The following C6orf52 variants were observed in gnomAD, a reference collection of about 807,000 sequenced individuals.
The protein encoded by C6orf52 is chromosome 6 open reading frame 52.
In C6orf52, 16 loss-of-function variants were observed where a neutral mutation model predicts 16.6. That is an observed-to-expected ratio of 0.96 (90% CI 0.65 to 1.46). C6orf52 has a LOEUF of 1.46. C6orf52 is among the 40% of genes most tolerant of loss of function. The pLI is 0.00. For missense variants in C6orf52, 166 were observed against 182.3 expected (o/e 0.91, Z 0.52); for synonymous variants, 53 against 61.4 (o/e 0.86, Z 0.64).
At chr6:10,688,212 A>ATTTT (rs1561880370) in intron 1 of C6orf52, among the ~76,000 whole-genome samples, 7 of 151,498 alleles carry the variant, frequency 4.6e-5, no homozygotes, top group South Asian at 2.1e-4. Context: ...TTTTTTTTTA[A>ATTTT]AAAAAGCATA....
intron 1 of C6orf52, among the ~76,000 whole-genome samples, chr6:10,690,573 G>A: frequency 6.6e-6 from 1 of 152,028 alleles, no homozygotes; most frequent in East Asian, 1.9e-4. Context: ...TGTACCCCAG[G>A]ATATCCACTT....
At chr6:10,684,025 T>G (rs1032338915) in intron 3 of C6orf52, among the ~76,000 whole-genome samples, 2 of 152,248 alleles carry the variant, frequency 1.3e-5, no homozygotes, top group African/African-American at 4.8e-5. Flanking sequence ...AGATCTACTA[T>G]CTTTTCTTTT....
At chr6:10,694,244 G>C (rs1222292402) in intron 1 of C6orf52, among the ~76,000 whole-genome samples, 1 of 133,916 alleles carries the variant, frequency 7.5e-6, no homozygotes. Context: ...TGGGCAAAAA[G>C]AGCGAAACTC....
intron 4 of C6orf52, among the ~76,000 whole-genome samples, chr6:10,682,934 A>G (rs1006369477): frequency 6.6e-6 from 1 of 152,216 alleles, no homozygotes. Flanking sequence ...CTTAAGAACA[A>G]TGTATTGTCT....
At chr6:10,690,463 C>A (rs1288004857) in intron 1 of C6orf52, among the ~76,000 whole-genome samples, 2 of 152,156 alleles carry the variant, frequency 1.3e-5, no homozygotes, top group Non-Finnish European at 2.9e-5. Flanking sequence ...TTGAATTTAA[C>A]AGAGTTGCTG....
chr6:10,690,388 C>T (rs570533728), intron 1 of C6orf52, among the ~76,000 whole-genome samples: 3 of 152,240 alleles, frequency 2.0e-5, no homozygotes, highest in Non-Finnish European at 4.4e-5. Flanking sequence ...CACTTCCCTT[C>T]GTGCTGGAAA....
chr6:10,675,368 CT>C (rs1733093140), intron 4 of C6orf52, among the ~76,000 whole-genome samples: 1 of 152,174 alleles, frequency 6.6e-6, no homozygotes, highest in Non-Finnish European at 1.5e-5. Context: ...AGATTTCATC[CT>C]TTTTACAGTT....
chr6:10,677,700 AT>A (rs1465407349), intron 4 of C6orf52, among the ~76,000 whole-genome samples: 2 of 151,312 alleles, frequency 1.3e-5, no homozygotes, highest in African/African-American at 4.9e-5. Flanking sequence ...TGCCTGGCTA[AT>A]TTTTGTATTG....
chr6:10,674,787 A>G (rs1246242283), intron 4 of C6orf52: 1 of 151,370 alleles, frequency 6.6e-6, no homozygotes, highest in African/African-American at 2.4e-5. Flanking sequence ...TTCATTAACT[A>G]TAGTCACCAT....
At chr6:10,687,635 A>T in intron 1 of C6orf52, 74 bp from the exon 2 acceptor site, 1 of 836,452 alleles carries the variant, frequency 1.2e-6, no homozygotes, top group Non-Finnish European at 2.0e-6. Context: ...AAACCTCTCA[A>T]TCCTGACAAA....
intron 4 of C6orf52, 103 bp downstream of exon 4, chr6:10,683,084 G>T: frequency 2.7e-6 from 2 of 741,528 alleles, no homozygotes; most frequent in Non-Finnish European, 4.3e-6. Flanking sequence ...AACCTACATT[G>T]GAATTTTCCA....
At chr6:10,682,000 G>A (rs1474207511) in intron 4 of C6orf52, among the ~76,000 whole-genome samples, 1 of 152,178 alleles carries the variant, frequency 6.6e-6, no homozygotes, top group Non-Finnish European at 1.5e-5. Context: ...ATGAGGAGGA[G>A]TCACCAGGAA....
intron 4 of C6orf52, among the ~76,000 whole-genome samples, chr6:10,672,077 G>C (rs1299278277): frequency 6.6e-6 from 1 of 152,170 alleles, no homozygotes; most frequent in Non-Finnish European, 1.5e-5. Context: ...AAAGACAGGA[G>C]GACTTGGCCT....
intron 4 of C6orf52, among the ~76,000 whole-genome samples, chr6:10,674,952 G>A (rs977091860): frequency 2.0e-5 from 3 of 151,942 alleles, no homozygotes; most frequent in Admixed American, 2.0e-4. Context: ...TGGGATTACA[G>A]GCGCACACCA....
At chr6:10,693,761 G>C (rs978749113) in intron 1 of C6orf52, among the ~76,000 whole-genome samples, 1 of 152,038 alleles carries the variant, frequency 6.6e-6, no homozygotes, top group African/African-American at 2.4e-5. Flanking sequence ...AGGGGGCCTG[G>C]CTCGTCCCCC....
Position 10,674,291 on chromosome 6 carries a change from A to C in C6orf52, c.317-2693T>G, listed in dbSNP as rs188423066. Among the ~76,000 whole-genome samples, 251 of 152,284 alleles carry C rather than the reference A, an allele frequency of 1.6e-3. 1 individual carries two copies. Among genetic ancestry groups the C allele is most frequent in the African/African-American group, 5.5e-3 (230 of 41,560 alleles). ...TCACATTGGGAGTGAGGGTTTCAAC[A>C]TATGAATTTGGCGAGGGGGAGGAAC... On this transcript the variant is annotated intron_variant, in intron 4 of 4. Coordinates refer to ENST00000259983, the MANE Select transcript of C6orf52 (RefSeq NM_001145020.3).
intron 1 of C6orf52, among the ~76,000 whole-genome samples, chr6:10,689,380 G>A (rs1297261745): frequency 2.0e-5 from 3 of 152,230 alleles, no homozygotes; most frequent in Non-Finnish European, 4.4e-5. Context: ...GTGATGTACT[G>A]GAGTTTATAG....
chr6:10,672,575 G>A (rs1330199977), intron 4 of C6orf52: 1 of 701,954 alleles, frequency 1.4e-6, no homozygotes, highest in Admixed American at 2.0e-5. Flanking sequence ...GGGAAGCTGA[G>A]ACCAGTGAAT....
chr6:10,694,615 T>C lies in C6orf52; in HGVS notation c.-133A>G, dbSNP rs2127477006. On this transcript the variant is annotated 5_prime_UTR_variant, in exon 1 of 5. Coordinates refer to ENST00000259983, the MANE Select transcript of C6orf52 (RefSeq NM_001145020.3). ...CAGCCCCTAAGCAACCGGCCGGAAG[T>C]CGGCCCCACCTCCTCCTGATGTCAC... 3.4e-5 allele frequency: 6 copies of C among 175,824 alleles called. No individual in the cohort carries two copies. Among genetic ancestry groups the C allele is most frequent in the South Asian group, 2.5e-4 (2 of 8,104 alleles). The allele number at this position is 175,824 out of a possible 1,614,324, so 10.9% of individuals were successfully genotyped here. A position where few individuals can be genotyped will look rare whatever the true frequency, so the allele number is the denominator to read the frequency against.
Sources: allele counts gnomAD v4.1 joint callset (sites outside exome capture counted in the v4.1 genomes callset), GRCh38; gene constraint gnomAD v4.1.1; transcripts MANE v1.5; gene names NCBI Gene and HGNC (gene_info 2026-07-23, HGNC 2026-07-21).